ROBO2: variants seen among roughly 807,000 people sequenced by gnomAD.
ROBO2 encodes the protein roundabout guidance receptor 2, also known as roundabout homolog 2.
ROBO2 carries 53 observed loss-of-function variants against 160.8 expected under a neutral mutation model. That is an observed-to-expected ratio of 0.33 (90% confidence interval 0.26 to 0.41). The LOEUF (loss-of-function observed/expected upper bound fraction) is 0.41, where lower values mean the gene tolerates loss of function less well. Among genes scored for constraint, ROBO2 ranks in the 10% least tolerant of loss-of-function variants. The pLI is 1.00. For missense variants in ROBO2, 1,577 were observed against 1,722.4 expected, an observed-to-expected ratio of 0.92 and a Z score of 1.49; for synonymous variants, 664 against 611.7, an observed-to-expected ratio of 1.09 and a Z score of -1.26.
intron 2 of ROBO2, among the ~76,000 whole-genome samples, chr3:76,622,231 GA>G (rs1391088473): frequency 5.5e-5 from 2 of 36,332 alleles, no homozygotes; most frequent in African/African-American, 2.0e-4. Flanking sequence ...AGGAAGGAAG[GA>G]AGGAAGAAAG....
At chr3:77,599,103 G>A (rs1362476320) in intron 19 of ROBO2, among the ~76,000 whole-genome samples, 1 of 152,066 alleles carries the variant, frequency 6.6e-6, no homozygotes, top group East Asian at 1.9e-4. Context: ...TGAACAGCAA[G>A]GCCAAGACAA....
chr3:77,578,827 A>G (rs531832379), intron 15 of ROBO2, among the ~76,000 whole-genome samples: 1 of 152,110 alleles, frequency 6.6e-6, no homozygotes, highest in South Asian at 2.1e-4. Flanking sequence ...TTTTTGTACC[A>G]TTTGGCACTA....
intron 2 of ROBO2, among the ~76,000 whole-genome samples, chr3:77,141,494 C>T (rs2076699019): frequency 6.6e-6 from 1 of 152,124 alleles, no homozygotes; most frequent in Non-Finnish European, 1.5e-5. Flanking sequence ...GAGTCAAAGG[C>T]TGACAAATGC....
At chr3:77,165,571 TA>T (rs58426930) in intron 2 of ROBO2, among the ~76,000 whole-genome samples, 4,100 of 150,562 alleles carry the variant, frequency 0.027, 66 homozygotes, top group Middle Eastern at 0.055. Flanking sequence ...AAAAATAAAT[TA>T]AAAAAAAAAT....
chr3:76,351,131 A>T (rs2074847671), intron 2 of ROBO2, among the ~76,000 whole-genome samples: 1 of 151,948 alleles, frequency 6.6e-6, no homozygotes, highest in African/African-American at 2.4e-5. Context: ...TGATATATGT[A>T]GTATGATCTC....
intron 2 of ROBO2, among the ~76,000 whole-genome samples, chr3:77,204,567 A>G (rs1318130688): frequency 6.6e-6 from 1 of 152,136 alleles, no homozygotes; most frequent in Non-Finnish European, 1.5e-5. Flanking sequence ...GTATTTTGAA[A>G]CTTTTTAGAC....
intron 23 of ROBO2, 183 bp from the exon 25 acceptor site, chr3:77,634,687 A>T (rs2095232854): frequency 6.2e-6 from 4 of 642,066 alleles, no homozygotes; most frequent in Non-Finnish European, 1.1e-5. Context: ...TAAAAATTGA[A>T]CAAAATATGT....
At chr3:77,418,913 T>C (rs1476567126) in intron 2 of ROBO2, among the ~76,000 whole-genome samples, 1 of 152,084 alleles carries the variant, frequency 6.6e-6, no homozygotes, top group African/African-American at 2.4e-5. Flanking sequence ...ATGGTTGCAA[T>C]CAGGAGAAAG....
At chr3:77,308,896 A>C (rs1011749714) in intron 2 of ROBO2, among the ~76,000 whole-genome samples, 9 of 152,212 alleles carry the variant, frequency 5.9e-5, no homozygotes, top group African/African-American at 1.9e-4. Flanking sequence ...ATTTAATCCA[A>C]GGTCAAGATT....
chr3:76,946,591 C>T (rs900148745), intron 2 of ROBO2, among the ~76,000 whole-genome samples: 5 of 152,066 alleles, frequency 3.3e-5, no homozygotes, highest in East Asian at 3.9e-4. Context: ...GCGCCCACCA[C>T]GGCATCCGGC....
intron 2 of ROBO2, among the ~76,000 whole-genome samples, chr3:76,223,414 A>T (rs906445708): frequency 6.6e-6 from 1 of 151,874 alleles, no homozygotes; most frequent in African/African-American, 2.4e-5. Flanking sequence ...ACTTTCACCC[A>T]GGGTGGGGAG....
rs573990648 is a variant in ROBO2, at chr3:76,236,683, T to C, written c.109+299081T>C. On this transcript the variant is annotated intron_variant, in intron 2 of 26. Transcript: ENST00000487694. ...ATATTGGAGTGGGACATTGGAATAA[T>C]TTATTTCCTTGTCAAAATTATGAAA... 2.6e-5 allele frequency among the ~76,000 whole-genome samples: 4 copies of C among 152,238 alleles called. No individual in the cohort carries two copies. In the South Asian group the frequency reaches 8.3e-4, roughly 32 times the overall value.
At chr3:76,907,856 T>TGTGTGTG (rs2075716891) in intron 2 of ROBO2, among the ~76,000 whole-genome samples, 2 of 72,570 alleles carry the variant, frequency 2.8e-5, no homozygotes, top group African/African-American at 1.1e-4. Flanking sequence ...GTGTGTGTGT[T>TGTGTGTG]TGAGATGGAG....
At chr3:76,688,174 ATATAT>A (rs1220744199) in intron 2 of ROBO2, among the ~76,000 whole-genome samples, 15 of 152,110 alleles carry the variant, frequency 9.9e-5, no homozygotes, top group African/African-American at 3.6e-4. Context: ...GCATTTTCAC[ATATAT>A]TATGCTGGTT....
At chr3:76,264,902 C>A (rs185832781) in intron 2 of ROBO2, among the ~76,000 whole-genome samples, 2 of 152,152 alleles carry the variant, frequency 1.3e-5, no homozygotes, top group Non-Finnish European at 2.9e-5. Flanking sequence ...ACTTGCCTTA[C>A]AAAATGATAC....
At chr3:76,218,732 T>A (rs1703740904) in intron 2 of ROBO2, among the ~76,000 whole-genome samples, 1 of 152,030 alleles carries the variant, frequency 6.6e-6, no homozygotes, top group Admixed American at 6.6e-5. Flanking sequence ...AAAATGGCCA[T>A]ACTGCCCAAG....
chr3:77,360,455 TTGTC>T (rs2069792666), intron 2 of ROBO2, among the ~76,000 whole-genome samples: 1 of 152,132 alleles, frequency 6.6e-6, no homozygotes, highest in African/African-American at 2.4e-5. Context: ...TCAATGAACT[TTGTC>T]AGTCAGTATC....
At chr3:76,641,518 G>A (rs966052091) in intron 2 of ROBO2, among the ~76,000 whole-genome samples, 5 of 152,108 alleles carry the variant, frequency 3.3e-5, no homozygotes, top group Non-Finnish European at 5.9e-5. Flanking sequence ...GAAGGACTGA[G>A]GAATTGTGTC....
intron 2 of ROBO2, among the ~76,000 whole-genome samples, chr3:76,303,147 T>C (rs974321401): frequency 1.3e-5 from 2 of 152,084 alleles, no homozygotes; most frequent in Non-Finnish European, 2.9e-5. Flanking sequence ...GGTTCAAGCA[T>C]GTTTGATGAG....
Sources: allele counts gnomAD v4.1 joint callset (sites outside exome capture counted in the v4.1 genomes callset), GRCh38; gene constraint gnomAD v4.1.1; transcripts MANE v1.5; gene names NCBI Gene and HGNC (gene_info 2026-07-23, HGNC 2026-07-21).